MAF: variants seen among roughly 807,000 people sequenced by gnomAD.
MAF encodes transcription factor Maf.
In MAF, 10 loss-of-function variants were observed where a neutral mutation model predicts 22.0. The observed-to-expected ratio is 0.45, with a 90% CI of 0.28 to 0.77. The LOEUF (loss-of-function observed/expected upper bound fraction) is 0.77, where lower values mean the gene tolerates loss of function less well. MAF is among the 30% of genes least tolerant of loss of function. MAF has a pLI of 0.12. For missense variants in MAF, 544 were observed against 548.4 expected, an observed-to-expected ratio of 0.99 and a Z score of 0.08; for synonymous variants, 337 against 255.8, an observed-to-expected ratio of 1.32 and a Z score of -3.03.
the MAF span, among the ~76,000 whole-genome samples, chr16:79,474,953 A>G: frequency 2.0e-5 from 3 of 152,242 alleles, no homozygotes; most frequent in Admixed American, 2.0e-4. Context: ...TTAATCCAAC[A>G]GAGATCAAAG....
At chr16:79,404,725 A>C in the MAF span, among the ~76,000 whole-genome samples, 3,417 of 152,160 alleles carry the variant, frequency 0.022, 129 homozygotes, top group African/African-American at 0.078. Context: ...GCCATCACAA[A>C]CCGAATTTGT....
the MAF span, among the ~76,000 whole-genome samples, chr16:79,517,927 G>T: frequency 0.18 from 27,176 of 152,064 alleles, 2,723 homozygotes; most frequent in Non-Finnish European, 0.24. Context: ...CCACAATAGT[G>T]GACCAAGGGC....
chr16:79,342,273 G>C, the MAF span, among the ~76,000 whole-genome samples: 2 of 152,144 alleles, frequency 1.3e-5, no homozygotes, highest in Non-Finnish European at 2.9e-5. Flanking sequence ...TGCTCTACAA[G>C]TGCCCCTTGC....
At chr16:79,239,489 T>C in the MAF span, among the ~76,000 whole-genome samples, 1 of 152,056 alleles carries the variant, frequency 6.6e-6, no homozygotes, top group African/African-American at 2.4e-5. Flanking sequence ...CACTGAATGA[T>C]AGGGTTCTCA....
At chr16:79,277,996 C>G in the MAF span, among the ~76,000 whole-genome samples, 7 of 152,344 alleles carry the variant, frequency 4.6e-5, no homozygotes, top group African/African-American at 1.7e-4. Context: ...TTTGACATCT[C>G]TCTAAGGGAA....
At chr16:79,518,504 C>T in the MAF span, among the ~76,000 whole-genome samples, 3 of 152,180 alleles carry the variant, frequency 2.0e-5, no homozygotes, top group African/African-American at 4.8e-5. Flanking sequence ...AGTAGGGAAA[C>T]ACAGGCTCTG....
At chr16:79,351,684 T>A in the MAF span, among the ~76,000 whole-genome samples, 1 of 151,764 alleles carries the variant, frequency 6.6e-6, no homozygotes, top group Non-Finnish European at 1.5e-5. Context: ...AGGCCACTAG[T>A]TTCTGGGGCT....
the MAF span, among the ~76,000 whole-genome samples, chr16:79,252,927 C>G: frequency 1.3e-5 from 2 of 152,196 alleles, no homozygotes; most frequent in Non-Finnish European, 1.5e-5. Context: ...GATGGGAACT[C>G]CGTACTTTCC....
the MAF span, among the ~76,000 whole-genome samples, chr16:79,260,463 C>CTATCTATATCTATATCTATATCTA: frequency 0.03 from 4,348 of 145,360 alleles, 84 homozygotes; most frequent in Non-Finnish European, 0.038. Context: ...ATGTATCTAT[C>CTATCTATATCTATATCTATATCTA]TATCTATATC....
At chr16:79,355,228 A>G in the MAF span, among the ~76,000 whole-genome samples, 4 of 152,198 alleles carry the variant, frequency 2.6e-5, no homozygotes, top group Admixed American at 2.0e-4. Flanking sequence ...TCCCTGCTGG[A>G]AAACGTATCT....
the MAF span, among the ~76,000 whole-genome samples, chr16:79,501,248 A>AG: frequency 1.3e-5 from 2 of 152,202 alleles, no homozygotes; most frequent in South Asian, 4.1e-4. Flanking sequence ...AAGGGTTGTC[A>AG]GATCCTTCTT....
chr16:79,500,619 G>T, the MAF span, among the ~76,000 whole-genome samples: 1 of 152,116 alleles, frequency 6.6e-6, no homozygotes, highest in Non-Finnish European at 1.5e-5. Context: ...GGCAGAAAAA[G>T]TACACAAAGT....
the MAF span, among the ~76,000 whole-genome samples, chr16:79,568,710 G>T: frequency 1.3e-5 from 2 of 152,154 alleles, no homozygotes; most frequent in Non-Finnish European, 2.9e-5. Context: ...CTAGAAATTT[G>T]CTGCCTTTCC....
chr16:79,300,980 G>C, the MAF span, among the ~76,000 whole-genome samples: 16 of 152,162 alleles, frequency 1.1e-4, no homozygotes, highest in East Asian at 2.5e-3. Flanking sequence ...AGGGGCAGAA[G>C]GGGGAGGAGA....
chr16:79,516,903 A>C, the MAF span, among the ~76,000 whole-genome samples: 1 of 152,186 alleles, frequency 6.6e-6, no homozygotes, highest in East Asian at 1.9e-4. Context: ...GCTTTTTCAT[A>C]CGATTTCTTT....
At chr16:79,367,385 T>C in the MAF span, among the ~76,000 whole-genome samples, 1 of 152,138 alleles carries the variant, frequency 6.6e-6, no homozygotes, top group Non-Finnish European at 1.5e-5. Flanking sequence ...TTACCATCTG[T>C]AGAAATAAGG....
the MAF span, among the ~76,000 whole-genome samples, chr16:79,332,072 T>A: frequency 6.6e-6 from 1 of 152,066 alleles, no homozygotes; most frequent in Non-Finnish European, 1.5e-5. Flanking sequence ...CCTAGAGGAG[T>A]CCTTAGCACA....
the MAF span, among the ~76,000 whole-genome samples, chr16:79,230,911 G>A: frequency 6.6e-6 from 1 of 152,040 alleles, no homozygotes; most frequent in African/African-American, 2.4e-5. Context: ...ATCCTACGGG[G>A]TAGGGCTGCA....
chr16:79,460,100 T>C, the MAF span, among the ~76,000 whole-genome samples: 48 of 152,330 alleles, frequency 3.2e-4, no homozygotes, highest in South Asian at 9.5e-3. Flanking sequence ...GATCTTTGTA[T>C]TCTGTGAATA....
Sources: gnomAD v4.1 joint callset for allele counts (sites outside exome capture counted in the v4.1 genomes callset) on GRCh38, gnomAD v4.1.1 for gene constraint, MANE v1.5 for transcripts, NCBI Gene and HGNC (gene_info 2026-07-23, HGNC 2026-07-21) for gene names.